BRD3: variants seen among roughly 807,000 people sequenced by gnomAD.
BRD3 encodes the protein bromodomain containing 3, also known as bromodomain-containing protein 3.
BRD3 carries 17 observed loss-of-function variants against 66.8 expected under a neutral mutation model. The ratio of observed to expected loss-of-function variants is 0.25; its 90% CI spans 0.17 to 0.38. BRD3 has a LOEUF of 0.38. Ranked by LOEUF, BRD3 falls within the 10% of genes least tolerant of loss-of-function variation. The pLI is 1.00. For missense variants in BRD3, 713 were observed against 956.1 expected, an observed-to-expected ratio of 0.75 and a Z score of 3.35; for synonymous variants, 421 against 393.2, an observed-to-expected ratio of 1.07 and a Z score of -0.84.
chr9:134,034,710 C>G lies in BRD3; in HGVS notation c.2056G>C (p.Ala686Pro), dbSNP rs770784423. ...SGQLSSSKKPARKEKPGSAPS... is the reference protein window; with the variant it reads ...SGQLSSSKKPPRKEKPGSAPS... The stretch of plus-strand genomic sequence containing the variant: ...CGGCCGCCAGCGGTACCTTTCCGGG[C>G]GGGCTTCTTGCTGCTGCTCAGCTGC... Residue 686 changes from alanine to proline, a missense_variant, in exon 11 of 12, where the codon GCC (alanine) becomes CCC (proline). Around this residue, in one of 5 missense-constraint regions of BRD3, gnomAD observed 42 missense variants for 29.2 expected, o/e 1.44. Coordinates refer to ENST00000303407, the MANE Select transcript of BRD3 (RefSeq NM_007371.4). 2 of 1,604,998 alleles carry G rather than the reference C, an allele frequency of 1.2e-6. No individual in the cohort carries two copies. The highest frequency in any genetic ancestry group is 1.3e-5 in the African/African-American group (1 of 74,936).
intron 2 of BRD3, 98 bp from the exon 3 acceptor site, chr9:134,052,541 G>C: frequency 7.2e-7 from 1 of 1,381,586 alleles, no homozygotes; most frequent in Non-Finnish European, 9.9e-7. Flanking sequence ...AGTGGACTGA[G>C]GACTGGGGCT....
At chr9:134,048,841 G>A (rs1025092088) in intron 5 of BRD3, among the ~76,000 whole-genome samples, 1 of 152,202 alleles carries the variant, frequency 6.6e-6, no homozygotes, top group Non-Finnish European at 1.5e-5. Flanking sequence ...CGGGGACCTC[G>A]GTGCTGCAGA....
intron 1 of BRD3, among the ~76,000 whole-genome samples, chr9:134,063,975 C>T (rs1286523293): frequency 1.3e-5 from 2 of 152,016 alleles, no homozygotes; most frequent in African/African-American, 4.8e-5. Context: ...AGGAGGGGGG[C>T]GGGGGCATGT....
chr9:134,044,286 C>T (rs761493056), intron 7 of BRD3, among the ~76,000 whole-genome samples: 2 of 152,158 alleles, frequency 1.3e-5, no homozygotes, highest in Non-Finnish European at 2.9e-5. Flanking sequence ...CTTGGGTAGG[C>T]CCTGTGCGCG....
rs760563421 is a variant in BRD3 at position 134,045,401 on chromosome 9, C to T, written c.1107G>A (p.Glu369=). Residue 369 remains glutamate (E), a synonymous_variant, in exon 7 of 12, where the codon GAG becomes GAA. Coordinates refer to ENST00000303407, the MANE Select transcript of BRD3 (RefSeq NM_007371.4). This position sits in a 1 kb window ranked among gnomAD's most constrained non-coding sequence, Gnocchi z 4.8. Reference sequence around the variant, plus strand: ...CAGCAAAGCCCTGTGCGTCTGGGTACTCTCGGCCATCCATCTTCCTCTGCA... The same window carrying T: ...CAGCAAAGCCCTGTGCGTCTGGGTATTCTCGGCCATCCATCTTCCTCTGCA... ...STVKRKMDGR[E]YPDAQGFAAD... 6.2e-7 allele frequency: 1 copy of T among 1,613,610 alleles called. No homozygotes were observed. The highest frequency in any genetic ancestry group is 8.5e-7 in the Non-Finnish European group (1 of 1,179,990).
chr9:134,047,565 G>A (rs1830201325), intron 6 of BRD3, among the ~76,000 whole-genome samples: 1 of 152,184 alleles, frequency 6.6e-6, no homozygotes, highest in Non-Finnish European at 1.5e-5. Context: ...TGGCATGGGG[G>A]AGGCCAGGCT....
chr9:134,062,154 T>C (rs762655887), intron 1 of BRD3, among the ~76,000 whole-genome samples: 4 of 152,116 alleles, frequency 2.6e-5, no homozygotes, highest in Non-Finnish European at 4.4e-5. Flanking sequence ...CTGGGCATCG[T>C]GGGCCCCACC....
At chr9:134,047,147 T>C (rs541997386) in intron 6 of BRD3, among the ~76,000 whole-genome samples, 4 of 152,344 alleles carry the variant, frequency 2.6e-5, no homozygotes, top group Admixed American at 6.5e-5. Flanking sequence ...GCCAGGTCTG[T>C]CCTGCCCGAG....
Position 134,067,322 on chromosome 9 carries a change from G to A in BRD3, c.-114+623C>T, listed in dbSNP as rs545853848. ...GGGCCCGTAACTCTGGGAGGAGGCCGCGCAGAGCCCAGGGCCGAGCCCGGC... is the reference window on the plus strand; with the variant it reads ...GGGCCCGTAACTCTGGGAGGAGGCCACGCAGAGCCCAGGGCCGAGCCCGGC... On this transcript the variant is annotated intron_variant, in intron 1 of 11. Transcript: ENST00000303407. 1.3e-4 allele frequency among the ~76,000 whole-genome samples: 19 copies of A among 151,814 alleles called. No homozygotes were observed. In the South Asian group the frequency reaches 3.9e-3, roughly 31 times the overall value.
chr9:134,050,444 G>T lies in BRD3; in HGVS notation c.644C>A (p.Pro215Gln). The T allele has an allele frequency of 6.2e-7, 1 of 1,611,918 alleles. No homozygotes were observed. The highest frequency in any genetic ancestry group is 8.5e-7 in the Non-Finnish European group (1 of 1,179,420). Residue 215 changes from proline to glutamine, a missense_variant, in exon 5 of 12, where the codon CCA becomes CAA. Transcript: ENST00000303407. The part of the protein sequence containing the change: ...TANVTSVPVP[P>Q]AAAPPPPATP... ...GGCAGGAGGAGGTGGGGCGGCAGCT[G>T]GGGGGACTGGGACCGACGTGACGTT... is the stretch of plus-strand genomic sequence containing the variant.
intron 1 of BRD3, among the ~76,000 whole-genome samples, chr9:134,067,664 C>T (rs1830696489): frequency 6.8e-6 from 1 of 146,414 alleles, no homozygotes; most frequent in African/African-American, 2.5e-5. Context: ...GCCCCGAGTC[C>T]GGGACGGAGG....
chr9:134,052,510 G>T, intron 2 of BRD3, 67 bp from the exon 3 acceptor site: 1 of 1,536,866 alleles, frequency 6.5e-7, no homozygotes, highest in South Asian at 1.2e-5. Context: ...ATTCCCAAGT[G>T]GACACAGCCC....
chr9:134,050,749 T>C (rs902899148), intron 4 of BRD3, among the ~76,000 whole-genome samples, 161 bp from the exon 5 acceptor site: 3 of 151,974 alleles, frequency 2.0e-5, no homozygotes, highest in Non-Finnish European at 4.4e-5. Flanking sequence ...ATCCTGCATC[T>C]TGGGGGCAGG....
Position 134,034,000 on chromosome 9 carries a change from C to T in BRD3, c.2066-295G>A, listed in dbSNP as rs1278044722. On this transcript the variant is annotated intron_variant, in intron 11 of 11. Transcript: ENST00000303407. The surrounding 1 kb of genome is among the most constrained non-coding windows in gnomAD (Gnocchi z 5.1). ...TGGCCACCAGCAGCGACAGGAACACCAGCTGCTGGCGTTTCTGGAGCGCTT... is the reference window on the plus strand; with the variant it reads ...TGGCCACCAGCAGCGACAGGAACACTAGCTGCTGGCGTTTCTGGAGCGCTT... Among the ~76,000 whole-genome samples, 2 of 152,150 alleles carry T rather than the reference C, an allele frequency of 1.3e-5. No homozygotes were observed. The highest frequency in any genetic ancestry group is 3.9e-4 in the East Asian group (2 of 5,180).
chr9:134,047,958 G>A, intron 6 of BRD3, 125 bp downstream of exon 6: 1 of 1,323,714 alleles, frequency 7.6e-7, no homozygotes, highest in Non-Finnish European at 9.9e-7. Context: ...AGCCTGGAGG[G>A]TGCGCTTCTC....
intron 9 of BRD3, among the ~76,000 whole-genome samples, chr9:134,038,327 T>A (rs909991020): frequency 3.3e-5 from 5 of 152,130 alleles, no homozygotes; most frequent in African/African-American, 1.2e-4. Flanking sequence ...GCCAATTTTT[T>A]CTGTTCTTAG....
At position 134,056,233 on chromosome 9, in the gene BRD3, T is replaced by C. The variant is rs928763603; in HGVS notation, c.-113-2643A>G. On this transcript the variant is annotated intron_variant, in intron 1 of 11. Coordinates refer to ENST00000303407, the MANE Select transcript of BRD3 (RefSeq NM_007371.4). Reference sequence around the variant, plus strand: ...GCACCTGGTGCCAGCATGTGCTCACTGAATGCCAGTGGTCACTACAGGCCC... The same window carrying C: ...GCACCTGGTGCCAGCATGTGCTCACCGAATGCCAGTGGTCACTACAGGCCC... Among the ~76,000 whole-genome samples, 4 of 152,350 alleles carry C rather than the reference T, an allele frequency of 2.6e-5. No homozygotes were observed. In the East Asian group the frequency reaches 7.7e-4, roughly 29 times the overall value.
rs1433830492 is a variant in BRD3 at position 134,030,388 on chromosome 9, CAA to C, written c.*3200_*3201del. On this transcript the variant is annotated 3_prime_UTR_variant, in exon 12 of 12. Transcript: ENST00000303407. ...AAGGGTCCATGATTACCAGAAACAT[CAA>C]AGAGTACTTTCTACCATTTTTATTC... is the stretch of plus-strand genomic sequence containing the variant. The C allele has an allele frequency of 7.2e-6, 1 of 139,626 alleles. No individual in the cohort carries two copies. Among genetic ancestry groups the C allele is most frequent in the African/African-American group, 2.9e-5 (1 of 34,808 alleles). 8.6% of individuals were successfully genotyped at this position (139,626 alleles called of 1,614,324 possible). A position where few individuals can be genotyped will look rare whatever the true frequency, so the allele number is the denominator to read the frequency against.
At chr9:134,038,521 C>T (rs1482724396) in intron 9 of BRD3, among the ~76,000 whole-genome samples, 1 of 152,150 alleles carries the variant, frequency 6.6e-6, no homozygotes, top group African/African-American at 2.4e-5. Context: ...AACTCCTGAG[C>T]TCAAGTGATC....
Sources: gnomAD v4.1 joint callset for allele counts (sites outside exome capture counted in the v4.1 genomes callset) on GRCh38, gnomAD v4.1.1 for gene constraint, gnomAD v4.1.1 regional missense constraint, Gnocchi (gnomAD v3.1) non-coding constraint, MANE v1.5 for transcripts, NCBI Gene and HGNC (gene_info 2026-07-23, HGNC 2026-07-21) for gene names.